PCDH7: variants seen among roughly 807,000 people sequenced by gnomAD.
The protein encoded by PCDH7 is protocadherin-7.
A neutral mutation model predicts 58.9 loss-of-function variants in PCDH7; 17 were observed. The ratio of observed to expected loss-of-function variants is 0.29; its 90% CI spans 0.20 to 0.43. The LOEUF is 0.43. PCDH7 is among the 20% of genes least tolerant of loss of function. The pLI, the probability that PCDH7 is intolerant of heterozygous loss-of-function variation, is 1.00. For synonymous variants in PCDH7, 664 were observed against 616.4 expected, an observed-to-expected ratio of 1.08 and a Z score of -1.14; for missense variants, 1,274 against 1,441.0, an observed-to-expected ratio of 0.88 and a Z score of 1.88.
intron 3 of PCDH7, among the ~76,000 whole-genome samples, chr4:31,140,883 T>C (rs1720168644): frequency 6.6e-6 from 1 of 152,200 alleles, no homozygotes; most frequent in Non-Finnish European, 1.5e-5. Flanking sequence ...CTGGAATAAA[T>C]AATTAACCTT....
intron 3 of PCDH7, among the ~76,000 whole-genome samples, chr4:30,956,238 A>C (rs1747855323): frequency 6.6e-6 from 1 of 152,008 alleles, no homozygotes; most frequent in Non-Finnish European, 1.5e-5. Flanking sequence ...AAAAAAAAAA[A>C]AAAGTGAATT....
At chr4:31,022,807 A>G (rs192799485) in intron 3 of PCDH7, among the ~76,000 whole-genome samples, 2 of 152,178 alleles carry the variant, frequency 1.3e-5, no homozygotes, top group African/African-American at 4.8e-5. Flanking sequence ...TTGTCTTTCA[A>G]AAAGCTTACA....
chr4:30,734,401 T>G (rs2109241268), downstream of PCDH7, among the ~76,000 whole-genome samples: 1 of 152,092 alleles, frequency 6.6e-6, no homozygotes, highest in South Asian at 2.1e-4. Flanking sequence ...CCTGGCTAAT[T>G]TTTTGTATTT....
chr4:30,852,829 G>A (rs1048890323), intron 1 of PCDH7, among the ~76,000 whole-genome samples: 6 of 74,606 alleles, frequency 8.0e-5, no homozygotes, highest in Admixed American at 1.6e-4. Context: ...TCAAGCACAG[G>A]AAAAAAAAAA....
At chr4:30,907,358 C>A (rs764764077) in intron 1 of PCDH7, among the ~76,000 whole-genome samples, 1 of 152,020 alleles carries the variant, frequency 6.6e-6, no homozygotes, top group Non-Finnish European at 1.5e-5. Flanking sequence ...ATCTACCCAT[C>A]GACAAAGGGC....
intron 3 of PCDH7, among the ~76,000 whole-genome samples, chr4:31,028,478 C>G (rs910339785): frequency 1.3e-5 from 2 of 151,976 alleles, no homozygotes; most frequent in African/African-American, 4.8e-5. Context: ...TAGTGAGACC[C>G]TGCTCTAAAA....
chr4:30,754,190 T>TGTGTGTGTGTG (rs1255362154), intron 1 of PCDH7, among the ~76,000 whole-genome samples: 2 of 126,878 alleles, frequency 1.6e-5, no homozygotes, highest in African/African-American at 6.0e-5. Context: ...GTGTGTGTGT[T>TGTGTGTGTGTG]TTTTCTGGAG....
chr4:31,134,051 A>C lies in PCDH7; in HGVS notation c.*8-8422A>C, dbSNP rs181836609. 4.1e-3 allele frequency among the ~76,000 whole-genome samples: 628 copies of C among 152,332 alleles called. 4 individuals carry two copies. The highest frequency in any genetic ancestry group is 0.015 in the African/African-American group (607 of 41,574). On this transcript the variant is annotated intron_variant, in intron 3 of 3. Coordinates refer to the PCDH7 transcript ENST00000509759. ...CAGAATTTCTAAAGGTTTAGATAGT[A>C]GCTCTCTACTTGAACTTCTTAATTA...
rs140641551 is a variant in PCDH7, at chr4:30,951,953, G to A, written c.*7+1738G>A. 2.7e-3 allele frequency among the ~76,000 whole-genome samples: 409 copies of A among 152,160 alleles called. 2 individuals carry two copies. The highest frequency in any genetic ancestry group is 9.3e-3 in the African/African-American group (388 of 41,516). ...CCACAGTATTTGTTACTCACTAAATGTTGATTAAATGAATGAATGTTCACA... is the reference window on the plus strand; with the variant it reads ...CCACAGTATTTGTTACTCACTAAATATTGATTAAATGAATGAATGTTCACA... On this transcript the variant is annotated intron_variant, in intron 3 of 3. Coordinates refer to the PCDH7 transcript ENST00000509759.
intron 2 of PCDH7, among the ~76,000 whole-genome samples, chr4:30,948,215 A>T (rs1746946718): frequency 6.6e-6 from 1 of 151,816 alleles, no homozygotes; most frequent in South Asian, 2.1e-4. Context: ...TTATCCCATA[A>T]TAATCTACCC....
intron 3 of PCDH7, among the ~76,000 whole-genome samples, chr4:31,110,072 A>AG (rs1394376101): frequency 6.6e-6 from 1 of 152,240 alleles, no homozygotes. Context: ...ATGGCTACCT[A>AG]GGCTTGTTCT....
intron 1 of PCDH7, among the ~76,000 whole-genome samples, chr4:30,817,437 T>C (rs745724331): frequency 3.9e-5 from 6 of 152,236 alleles, no homozygotes; most frequent in Non-Finnish European, 7.3e-5. Flanking sequence ...GAGGCTGTGT[T>C]ATGCATGAAA....
Position 31,111,868 on chromosome 4 carries a change from C to T in PCDH7, c.*8-30605C>T, listed in dbSNP as rs542480176. 6.6e-5 allele frequency among the ~76,000 whole-genome samples: 10 copies of T among 152,240 alleles called. 1 individual carries two copies. In the South Asian group the frequency reaches 1.7e-3, roughly 25 times the overall value. On this transcript the variant is annotated intron_variant, in intron 3 of 3. Coordinates refer to the PCDH7 transcript ENST00000509759. ...CTTTTCTATTAGTATGTCATAGTCT[C>T]TGAAGATAGACAAGAGTTCAAATCC...
intron 1 of PCDH7, among the ~76,000 whole-genome samples, chr4:30,832,416 T>G (rs1192735978): frequency 6.6e-6 from 1 of 152,172 alleles, no homozygotes; most frequent in Non-Finnish European, 1.5e-5. Flanking sequence ...CATCGACAGA[T>G]TTTTGAATAA....
chr4:30,742,114 T>G (rs2109249399), intron 1 of PCDH7, among the ~76,000 whole-genome samples: 1 of 152,296 alleles, frequency 6.6e-6, no homozygotes, highest in African/African-American at 2.4e-5. Flanking sequence ...CTCACACAGT[T>G]AATAATAAAA....
chr4:30,741,856 G>A (rs1436554309), intron 1 of PCDH7, among the ~76,000 whole-genome samples: 5 of 152,178 alleles, frequency 3.3e-5, no homozygotes, highest in African/African-American at 9.7e-5. Flanking sequence ...ATCTATAAAC[G>A]TCAATGAAAA....
intron 3 of PCDH7, among the ~76,000 whole-genome samples, chr4:31,086,375 A>G (rs1173851167): frequency 3.3e-5 from 5 of 152,174 alleles, no homozygotes; most frequent in South Asian, 2.1e-4. Flanking sequence ...CTGTTTTTGC[A>G]TGCTGTGTGT....
intron 1 of PCDH7, among the ~76,000 whole-genome samples, chr4:30,754,861 G>T (rs1326466341): frequency 6.6e-6 from 1 of 152,238 alleles, no homozygotes; most frequent in South Asian, 2.1e-4. Context: ...TATTCAGATG[G>T]CTTAAACAAT....
intron 1 of PCDH7, among the ~76,000 whole-genome samples, chr4:30,738,616 T>C (rs1485943391): frequency 6.6e-6 from 1 of 152,312 alleles, no homozygotes; most frequent in African/African-American, 2.4e-5. Flanking sequence ...AATAAGTGCA[T>C]GAGGGTATAT....
Sources: gnomAD v4.1 joint callset for allele counts (sites outside exome capture counted in the v4.1 genomes callset) on GRCh38, gnomAD v4.1.1 for gene constraint, MANE v1.5 for transcripts, NCBI Gene and HGNC (gene_info 2026-07-23, HGNC 2026-07-21) for gene names.